Variants in CUL3 observed in about 807,000 individuals in gnomAD.
CUL3 encodes cullin-3.
CUL3 carries 19 observed loss-of-function variants against 89.1 expected under a neutral mutation model. The observed-to-expected ratio is 0.21, with a 90% CI of 0.15 to 0.31. CUL3 has a LOEUF of 0.31. Ranked by LOEUF, CUL3 falls within the 10% of genes least tolerant of loss-of-function variation. The pLI, the probability that CUL3 is intolerant of heterozygous loss-of-function variation, is 1.00. For synonymous variants in CUL3, 351 were observed against 308.4 expected (o/e 1.14, Z -1.45); for missense variants, 469 against 942.3 (o/e 0.50, Z 6.58).
intron 6 of CUL3, among the ~76,000 whole-genome samples, chr2:224,508,837 C>T (rs1692702706): frequency 6.6e-6 from 1 of 151,800 alleles, no homozygotes; most frequent in Admixed American, 6.6e-5. Context: ...TGGCGGGAGC[C>T]TGCAGTCCCA....
chr2:224,523,712 T>C (rs541583089), intron 3 of CUL3, among the ~76,000 whole-genome samples: 11 of 152,282 alleles, frequency 7.2e-5, no homozygotes, highest in South Asian at 2.1e-4. Context: ...GGTCTACACA[T>C]AGAATGCGGT....
At chr2:224,520,362 C>A (rs555999683) in intron 3 of CUL3, among the ~76,000 whole-genome samples, 1 of 152,350 alleles carries the variant, frequency 6.6e-6, no homozygotes, top group South Asian at 2.1e-4. Flanking sequence ...TCATGCCCCC[C>A]TTTTCACAGC....
chr2:224,496,482 T>TC (rs1029184644), intron 12 of CUL3, among the ~76,000 whole-genome samples: 2 of 152,154 alleles, frequency 1.3e-5, no homozygotes, highest in Non-Finnish European at 2.9e-5. Context: ...CTGTCCCTTG[T>TC]CCCCCCATTG....
intron 6 of CUL3, among the ~76,000 whole-genome samples, chr2:224,511,047 G>A (rs191602863): frequency 4.7e-4 from 71 of 152,266 alleles, no homozygotes; most frequent in East Asian, 4.6e-3. Context: ...TGGTATACAG[G>A]AAGTACAGGA....
At chr2:224,542,566 TGTGTGC>T (rs1359372122) in intron 2 of CUL3, among the ~76,000 whole-genome samples, 99 of 152,008 alleles carry the variant, frequency 6.5e-4, no homozygotes, top group African/African-American at 2.3e-3. Context: ...CGTGTGTGTG[TGTGTGC>T]GCGCGCGCAT....
chr2:224,576,913 G>C (rs1695314297), intron 1 of CUL3, among the ~76,000 whole-genome samples: 4 of 152,124 alleles, frequency 2.6e-5, no homozygotes, highest in Admixed American at 6.5e-5. Context: ...GAGCCAACAG[G>C]ATTCTTTAAG....
chr2:224,529,841 C>CGTTA (rs1435248822), intron 3 of CUL3, among the ~76,000 whole-genome samples: 1 of 152,158 alleles, frequency 6.6e-6, no homozygotes, highest in Non-Finnish European at 1.5e-5. Context: ...TTTGAACAAT[C>CGTTA]GTTACCTCCA....
At chr2:224,546,337 G>A (rs76554250) in intron 2 of CUL3, among the ~76,000 whole-genome samples, 2,350 of 152,058 alleles carry the variant, frequency 0.015, 58 homozygotes, top group African/African-American at 0.051. Flanking sequence ...GTTCTAAGCC[G>A]ACAGACAGAC....
intron 2 of CUL3, among the ~76,000 whole-genome samples, chr2:224,538,891 C>G (rs988599314): frequency 6.6e-6 from 1 of 152,054 alleles, no homozygotes; most frequent in Non-Finnish European, 1.5e-5. Context: ...ATTTTAAGTA[C>G]GATGCAGTAG....
chr2:224,481,763 C>T, intron 14 of CUL3, 129 bp downstream of exon 14: 2 of 561,888 alleles, frequency 3.6e-6, no homozygotes, highest in Non-Finnish European at 5.6e-6. Context: ...AAGCTGCTTT[C>T]TTTCTTAAGC....
At chr2:224,481,467 T>C (rs75276493) in intron 14 of CUL3, among the ~76,000 whole-genome samples, 4,092 of 152,140 alleles carry the variant, frequency 0.027, 77 homozygotes, top group Non-Finnish European at 0.045. Context: ...TTTTAAGATT[T>C]TGAAACAAAA....
chr2:224,552,073 C>A (rs2106294409), intron 2 of CUL3, among the ~76,000 whole-genome samples: 2 of 152,286 alleles, frequency 1.3e-5, no homozygotes, highest in Middle Eastern at 6.8e-3. Flanking sequence ...ATATTCCTTA[C>A]ACCTAGCACA....
At chr2:224,558,264 A>G (rs1016255967) in intron 1 of CUL3, among the ~76,000 whole-genome samples, 7 of 152,194 alleles carry the variant, frequency 4.6e-5, no homozygotes, top group Admixed American at 6.5e-5. Flanking sequence ...AAAGAATAAC[A>G]TATGCCCATA....
chr2:224,566,131 C>A (rs749172783), intron 1 of CUL3, among the ~76,000 whole-genome samples: 7 of 152,164 alleles, frequency 4.6e-5, no homozygotes, highest in Non-Finnish European at 8.8e-5. Context: ...CACTTCAACA[C>A]CTTCAGTTTT....
chr2:224,544,929 G>A (rs1278292343), intron 2 of CUL3, among the ~76,000 whole-genome samples: 1 of 152,026 alleles, frequency 6.6e-6, no homozygotes, highest in Non-Finnish European at 1.5e-5. Context: ...TACAAAAATA[G>A]GGGCAGGTCA....
rs1574660837 is a variant in CUL3, at chr2:224,529,375, T to C, written c.378+6153A>G. 7.9e-5 allele frequency among the ~76,000 whole-genome samples: 12 copies of C among 151,610 alleles called. No individual in the cohort carries two copies. The South Asian group carries it at 2.5e-3, about 32-fold the overall frequency. ...GCTCACGCCTGTAATCCCAGTACTTTGGGAGGCCGAGGTAGGCAGATCACG... is the reference window on the plus strand; with the variant it reads ...GCTCACGCCTGTAATCCCAGTACTTCGGGAGGCCGAGGTAGGCAGATCACG... On this transcript the variant is annotated intron_variant, in intron 3 of 15. Coordinates refer to ENST00000264414, the MANE Select transcript of CUL3 (RefSeq NM_003590.5).
At chr2:224,502,884 C>G (rs1692445388) in intron 10 of CUL3, 81 bp downstream of exon 10, 5 of 934,744 alleles carry the variant, frequency 5.3e-6, no homozygotes. Flanking sequence ...AAACAACTGT[C>G]ATCTGCTAAG....
rs1280924671 is a variant in CUL3 at position 224,561,695 on chromosome 2, T to G, written c.67-3839A>C. Among the ~76,000 whole-genome samples the G allele has an allele frequency of 5.3e-5, 8 of 152,334 alleles. No individual in the cohort carries two copies. In the South Asian group the frequency reaches 1.7e-3, roughly 32 times the overall value. ...CCTACACCTATACTGCTACCTCTTT[T>G]TAATCAGATATCCTGATAGGATGTC... On this transcript the variant is annotated intron_variant, in intron 1 of 15. Transcript: ENST00000264414.
chr2:224,502,145 C>T (rs1237726434), intron 10 of CUL3, among the ~76,000 whole-genome samples: 1 of 152,098 alleles, frequency 6.6e-6, no homozygotes, highest in Non-Finnish European at 1.5e-5. Context: ...TACAGAATTA[C>T]GTATTTTCAC....
Sources: gnomAD v4.1 joint callset for allele counts (sites outside exome capture counted in the v4.1 genomes callset) on GRCh38, gnomAD v4.1.1 for gene constraint, MANE v1.5 for transcripts, NCBI Gene and HGNC (gene_info 2026-07-23, HGNC 2026-07-21) for gene names.